The following MALAT1 variants were observed in gnomAD, a reference collection of about 807,000 sequenced individuals.
MALAT1 encodes hepcarcin.
chr11:65,498,345 G>A (rs766861579), intron 1 of MALAT1: 1 of 517,840 alleles, frequency 1.9e-6, no homozygotes, highest in Non-Finnish European at 3.9e-6. Context: ...GGGGGCTGGC[G>A]GCAACTGGGG....
exon 4 of MALAT1, chr11:65,506,400 C>T (rs759665895): frequency 5.0e-6 from 2 of 398,580 alleles, no homozygotes; most frequent in Admixed American, 3.3e-5. Context: ...TAGCCTGCAG[C>T]TGGTGTTTTG....
At position 65,505,983 on chromosome 11, in the gene MALAT1, C is replaced by A. The variant is rs750819526; in HGVS notation, n.5169-277C>A. ...ATAACAGACTTGGCCAAGCTAGCAT[C>A]TTAGCGGAAGCTGATCTCCAATGCT... On this transcript the variant is annotated intron_variant and non_coding_transcript_variant, in intron 3 of 3. Coordinates refer to ENST00000619449, the Ensembl canonical transcript of MALAT1. 4 of 455,798 alleles carry A rather than the reference C, an allele frequency of 8.8e-6. No individual in the cohort carries two copies. In the East Asian group the frequency reaches 2.3e-4, roughly 26 times the overall value. The allele number at this position is 455,798 out of a possible 1,614,324, so 28.2% of individuals were successfully genotyped here.
At chr11:65,499,234 A>G (rs1854478837) in exon 3 of MALAT1, 3 of 504,310 alleles carry the variant, frequency 5.9e-6, no homozygotes, top group South Asian at 1.5e-5. Context: ...TAAGATTTTA[A>G]GAGAAAATAT....
At chr11:65,503,793 C>T in exon 3 of MALAT1, 1 of 515,178 alleles carries the variant, frequency 1.9e-6, no homozygotes. Context: ...ACGAATGTAA[C>T]TTTAAGGCAG....
rs755452277 is a variant in MALAT1, at chr11:65,503,064, G to A, written n.4327G>A. 22 of 510,836 alleles carry A rather than the reference G, an allele frequency of 4.3e-5. No homozygotes were observed. The East Asian group carries it at 4.9e-4, about 11-fold the overall frequency. The allele number at this position is 510,836 out of a possible 1,614,324, so 31.6% of individuals were successfully genotyped here. On this transcript the variant is annotated non_coding_transcript_exon_variant, in exon 3 of 4. Transcript: ENST00000619449. ...CCGAAATAAATGAGAGATGAGTTGG[G>A]ATCAAGTGGATTGAGGAGGCTGTGC...
chr11:65,499,967 T>C (rs1225729465), exon 3 of MALAT1: 1 of 427,770 alleles, frequency 2.3e-6, no homozygotes, highest in Admixed American at 3.0e-5. Flanking sequence ...AAGCCAAAAA[T>C]TGGATAAAAT....
At chr11:65,505,803 C>T (rs1172833256) in intron 3 of MALAT1, 1 of 509,354 alleles carries the variant, frequency 2.0e-6, no homozygotes, top group Admixed American at 2.0e-5. Context: ...CTAAAACCAA[C>T]TTAAACCAGT....
chr11:65,499,646 TAGA>T, exon 3 of MALAT1: 1 of 440,024 alleles, frequency 2.3e-6, no homozygotes, highest in Non-Finnish European at 4.5e-6. Context: ...TTGGAGAAGA[TAGA>T]AGTTTGAAGT....
exon 3 of MALAT1, chr11:65,501,744 T>C (rs553340324): frequency 1.9e-6 from 1 of 519,016 alleles, no homozygotes; most frequent in South Asian, 1.4e-5. Context: ...CTTTGGTTCA[T>C]ATTCAGTCAT....
exon 3 of MALAT1, chr11:65,500,069 G>A (rs557259494): frequency 2.2e-6 from 1 of 452,030 alleles, no homozygotes; most frequent in African/African-American, 2.0e-5. Context: ...AGAAGGTAAA[G>A]CTTGAGAAGA....
chr11:65,505,060 A>T (rs372991454), intron 3 of MALAT1: 20 of 518,856 alleles, frequency 3.9e-5, no homozygotes, highest in Admixed American at 1.7e-4. Context: ...AAGTCAGATC[A>T]GTTATGGGAC....
exon 3 of MALAT1, chr11:65,499,722 G>A: frequency 4.6e-6 from 2 of 431,906 alleles, no homozygotes; most frequent in South Asian, 1.7e-5. Flanking sequence ...AGGGAAATTA[G>A]AAGATAAAAA....
At chr11:65,503,785 G>T (rs775115937) in exon 3 of MALAT1, 2 of 514,840 alleles carry the variant, frequency 3.9e-6, no homozygotes, top group African/African-American at 1.9e-5. Context: ...GCGGAAGAAC[G>T]AATGTAACTT....
rs756561156 is a variant in MALAT1, at chr11:65,498,636, GGAAAGTAAAGCCCT to G, written n.179-42_179-29del. 3.7e-5 allele frequency: 19 copies of G among 518,642 alleles called. No individual in the cohort carries two copies. The East Asian group carries it at 1.0e-3, about 28-fold the overall frequency. 32.1% of individuals were successfully genotyped at this position (518,642 alleles called of 1,614,324 possible). The stretch of plus-strand genomic sequence containing the variant: ...CAAGGCTGGGGCTCAGTTGCGTAAT[GGAAAGTAAAGCCCT>G]GAACTATCACACTTTAATCTTCCTT... On this transcript the variant is annotated intron_variant and non_coding_transcript_variant, in intron 1 of 3. Transcript: ENST00000619449.
intron 3 of MALAT1, chr11:65,505,277 A>G (rs374531526): frequency 4.6e-5 from 24 of 518,668 alleles, no homozygotes; most frequent in Non-Finnish European, 6.5e-5. Flanking sequence ...TATTATCCTA[A>G]GGTCAAGAGA....
At chr11:65,500,356 T>C (rs748019586) in exon 3 of MALAT1, 1 of 518,714 alleles carries the variant, frequency 1.9e-6, no homozygotes, top group Non-Finnish European at 3.8e-6. Context: ...TTAAGATTAT[T>C]TTTTAAATCC....
chr11:65,504,936 C>G (rs778872419), intron 3 of MALAT1: 1 of 518,814 alleles, frequency 1.9e-6, no homozygotes, highest in African/African-American at 1.9e-5. Context: ...GGATTGGGAA[C>G]CACTAGTTCT....
exon 3 of MALAT1, chr11:65,503,211 G>C (rs1197188374): frequency 1.9e-6 from 1 of 513,336 alleles, no homozygotes; most frequent in Non-Finnish European, 3.9e-6. Flanking sequence ...ACTTGCATCT[G>C]CAGTATTGCA....
exon 3 of MALAT1, chr11:65,502,586 G>A (rs1446815243): frequency 4.1e-6 from 2 of 483,476 alleles, no homozygotes; most frequent in Non-Finnish European, 8.0e-6. Context: ...ATGTCTCTTA[G>A]AGGGTGGGCT....
Sources: gnomAD v4.1 joint callset for allele counts on GRCh38, gnomAD v4.1.1 for gene constraint, MANE v1.5 for transcripts, NCBI Gene and HGNC (gene_info 2026-07-23, HGNC 2026-07-21) for gene names.